FNDC3B: variants seen among roughly 807,000 people sequenced by gnomAD.
FNDC3B encodes fibronectin type III domain containing 3B, also known as fibronectin type III domain-containing protein 3B.
Under a neutral mutation model 151.5 loss-of-function variants are expected in FNDC3B, and 12 were observed. That is an observed-to-expected ratio of 0.08 (90% CI 0.05 to 0.13). The LOEUF (loss-of-function observed/expected upper bound fraction) is 0.13, where lower values mean the gene tolerates loss of function less well. Among genes scored for constraint, FNDC3B ranks in the 10% least tolerant of loss-of-function variants. The pLI, the probability that FNDC3B is intolerant of heterozygous loss-of-function variation, is 1.00. For missense variants in FNDC3B, 1,214 were observed against 1,505.3 expected (o/e 0.81, Z 3.20); for synonymous variants, 528 against 549.0 (o/e 0.96, Z 0.54).
intron 24 of FNDC3B, among the ~76,000 whole-genome samples, chr3:172,379,481 A>G (rs1481908448): frequency 2.0e-5 from 3 of 152,236 alleles, no homozygotes. Flanking sequence ...CTTGGATTCT[A>G]CGAACCTCAT....
chr3:172,074,058 C>T (rs1037328591), intron 1 of FNDC3B, among the ~76,000 whole-genome samples: 2 of 152,162 alleles, frequency 1.3e-5, no homozygotes, highest in Non-Finnish European at 2.9e-5. Context: ...AAGACTTTCT[C>T]TGAGTAAGAC....
intron 1 of FNDC3B, among the ~76,000 whole-genome samples, chr3:172,087,657 A>G (rs1718617848): frequency 1.3e-5 from 2 of 152,150 alleles, no homozygotes; most frequent in African/African-American, 4.8e-5. Flanking sequence ...TTTCATTGCA[A>G]ATTTTAAATC....
intron 7 of FNDC3B, among the ~76,000 whole-genome samples, chr3:172,293,646 T>C (rs531561245): frequency 6.6e-6 from 1 of 152,298 alleles, no homozygotes; most frequent in African/African-American, 2.4e-5. Flanking sequence ...TGAGATAATT[T>C]AGAGAAGGCT....
At position 172,399,281 on chromosome 3, in the gene FNDC3B, A is replaced by G. The variant is rs569762758; in HGVS notation, c.*1806A>G. 1 of 152,538 alleles carries G rather than the reference A, an allele frequency of 6.6e-6. No individual in the cohort carries two copies. Among genetic ancestry groups the G allele is most frequent in the South Asian group, 2.1e-4 (1 of 4,824 alleles). The allele number at this position is 152,538 out of a possible 1,614,324, so 9.4% of individuals were successfully genotyped here. A position where few individuals can be genotyped will look rare whatever the true frequency, so the allele number is the denominator to read the frequency against. On this transcript the variant is annotated 3_prime_UTR_variant, in exon 26 of 26. Coordinates refer to ENST00000415807, the MANE Select transcript of FNDC3B (RefSeq NM_022763.4). ...AGCATGTTATATTTTTGTGTTTTATACTTTTGTAATTTTAGGTCAGTCTTG... is the reference window on the plus strand; with the variant it reads ...AGCATGTTATATTTTTGTGTTTTATGCTTTTGTAATTTTAGGTCAGTCTTG...
chr3:172,262,573 A>G (rs945021406), intron 6 of FNDC3B, among the ~76,000 whole-genome samples: 1 of 151,780 alleles, frequency 6.6e-6, no homozygotes, highest in Non-Finnish European at 1.5e-5. Flanking sequence ...TGATGTGCTT[A>G]AAAACTGGAA....
In FNDC3B at chr3:172,382,943, C is replaced by A. The variant is rs567126242; in HGVS notation, c.3303+1850C>A. Among the ~76,000 whole-genome samples, 67 of 152,266 alleles carry A rather than the reference C, an allele frequency of 4.4e-4. No homozygotes were observed. In the South Asian group the frequency reaches 0.012, roughly 27 times the overall value. The stretch of plus-strand genomic sequence containing the variant: ...TTCTTTTTGCTTAGGATTGTCTTGG[C>A]TATACACACTCTTTTTTGGTTCCAT... On this transcript the variant is annotated intron_variant, in intron 25 of 25. Coordinates refer to ENST00000415807, the MANE Select transcript of FNDC3B (RefSeq NM_022763.4).
chr3:172,251,324 G>C lies in FNDC3B; in HGVS notation c.573G>C (p.Pro191=), dbSNP rs772818376. The C allele has an allele frequency of 1.2e-6, 2 of 1,613,690 alleles. No homozygotes were observed. Among genetic ancestry groups the C allele is most frequent in the Non-Finnish European group, 1.7e-6 (2 of 1,179,800 alleles). ...ITREDQYSKP[P]HKKLKDRQID... is the part of the protein sequence containing the mutation. Reference sequence around the variant, plus strand: ...GAGAAGACCAGTACAGCAAGCCTCCGCACAAAAAACTGAAAGACCGCCAGA... The same window carrying C: ...GAGAAGACCAGTACAGCAAGCCTCCCCACAAAAAACTGAAAGACCGCCAGA... The change falls in exon 6 of 26, where the codon CCG becomes CCC. Residue 191 remains proline, a synonymous_variant. Transcript: ENST00000415807.
intron 1 of FNDC3B, among the ~76,000 whole-genome samples, chr3:172,101,900 T>C (rs1359444311): frequency 6.6e-6 from 1 of 152,262 alleles, no homozygotes; most frequent in African/African-American, 2.4e-5. Context: ...CTAAAAATTA[T>C]TAAGTCTGCA....
At chr3:172,226,818 T>G in intron 3 of FNDC3B, 53 bp from the exon 4 acceptor site, 5 of 1,120,456 alleles carry the variant, frequency 4.5e-6, no homozygotes, top group Non-Finnish European at 6.8e-6. Flanking sequence ...ACATTAATTA[T>G]TTTGAATAAT....
intron 10 of FNDC3B, among the ~76,000 whole-genome samples, chr3:172,310,359 C>T (rs188023017): frequency 3.0e-4 from 45 of 152,214 alleles, no homozygotes; most frequent in African/African-American, 8.4e-4. Flanking sequence ...ACCTTAATGT[C>T]GCTGATGGCT....
At chr3:172,208,675 G>A (rs1230140723) in intron 3 of FNDC3B, among the ~76,000 whole-genome samples, 12 of 151,864 alleles carry the variant, frequency 7.9e-5, no homozygotes, top group African/African-American at 1.5e-4. Flanking sequence ...GGCCGGCGGC[G>A]CCTCTGCTTG....
At chr3:172,135,648 A>T (rs970521699) in intron 3 of FNDC3B, among the ~76,000 whole-genome samples, 3 of 152,166 alleles carry the variant, frequency 2.0e-5, no homozygotes, top group African/African-American at 7.2e-5. Flanking sequence ...AATGAGGACT[A>T]GGACCTGGAT....
chr3:172,133,664 T>A lies in FNDC3B; in HGVS notation c.187+118T>A, dbSNP rs1320637786. The A allele has an allele frequency of 3.7e-6, 3 of 807,150 alleles. No individual in the cohort carries two copies. In the African/African-American group the frequency reaches 5.0e-5, roughly 14 times the overall value. 50.0% of individuals were successfully genotyped at this position (807,150 alleles called of 1,614,324 possible). ...CTAGAAGTAAAGTATATCTTGGATA[T>A]TCATTTTCTTTTTTTTTCTGTCGCA... On this transcript the variant is annotated intron_variant, in intron 3 of 25. Coordinates refer to ENST00000415807, the MANE Select transcript of FNDC3B (RefSeq NM_022763.4).
rs143133912 is a variant in FNDC3B at position 172,047,104 on chromosome 3, G to A, written c.-29+7333G>A. Among the ~76,000 whole-genome samples the A allele has an allele frequency of 1.1e-4, 16 of 152,210 alleles. No homozygotes were observed. In the East Asian group the frequency reaches 2.7e-3, roughly 26 times the overall value. The stretch of plus-strand genomic sequence containing the variant: ...AAGAGTAGTAAAGATTTTCATAAAG[G>A]CCAACTAGTCATAAAAACTTACTTA... On this transcript the variant is annotated intron_variant, in intron 1 of 25. Transcript: ENST00000415807.
chr3:172,107,926 T>C (rs529084592), intron 1 of FNDC3B, among the ~76,000 whole-genome samples: 1 of 152,116 alleles, frequency 6.6e-6, no homozygotes, highest in Admixed American at 6.5e-5. Context: ...TAAGAACTTA[T>C]TGGGAGGCCG....
chr3:172,200,443 G>A (rs1725087553), intron 3 of FNDC3B, among the ~76,000 whole-genome samples: 1 of 152,214 alleles, frequency 6.6e-6, no homozygotes, highest in African/African-American at 2.4e-5. Context: ...GTGCAAATGT[G>A]ATATGCATTT....
intron 4 of FNDC3B, among the ~76,000 whole-genome samples, chr3:172,231,260 C>T (rs1726871707): frequency 6.6e-6 from 1 of 152,114 alleles, no homozygotes; most frequent in Non-Finnish European, 1.5e-5. Context: ...TAGGCAAATT[C>T]ATGGAGACTG....
chr3:172,294,655 A>G (rs950061847), intron 7 of FNDC3B, among the ~76,000 whole-genome samples: 1 of 152,212 alleles, frequency 6.6e-6, no homozygotes, highest in Non-Finnish European at 1.5e-5. Flanking sequence ...CTATCAATAA[A>G]CAGGTTACAG....
rs572013895 is a variant in FNDC3B, at chr3:172,129,840, G to A, written c.112-3631G>A. ...TTTCTTCCTCTGAAGACATGGTGCA[G>A]TATGAATCAGTTTAATGCTGACTTT... On this transcript the variant is annotated intron_variant, in intron 2 of 25. Coordinates refer to ENST00000415807, the MANE Select transcript of FNDC3B (RefSeq NM_022763.4). Among the ~76,000 whole-genome samples, 21 of 152,228 alleles carry A rather than the reference G, an allele frequency of 1.4e-4. No homozygotes were observed. In the South Asian group the frequency reaches 4.4e-3, roughly 32 times the overall value.
Sources: allele counts gnomAD v4.1 joint callset (sites outside exome capture counted in the v4.1 genomes callset), GRCh38; gene constraint gnomAD v4.1.1; transcripts MANE v1.5; gene names NCBI Gene and HGNC (gene_info 2026-07-23, HGNC 2026-07-21).